DMRT1: variants seen among roughly 807,000 people sequenced by gnomAD.
The protein encoded by DMRT1 is doublesex and mab-3 related transcription factor 1, also known as doublesex- and mab-3-related transcription factor 1.
DMRT1 carries 7 observed loss-of-function variants against 32.3 expected under a neutral mutation model. The ratio of observed to expected loss-of-function variants is 0.22; its 90% confidence interval spans 0.12 to 0.41. The LOEUF (loss-of-function observed/expected upper bound fraction) is 0.41, where lower values mean the gene tolerates loss of function less well. DMRT1 is among the 10% of genes least tolerant of loss of function. DMRT1 has a pLI of 1.00. For synonymous variants in DMRT1, 278 were observed against 206.1 expected (o/e 1.35, Z -2.99); for missense variants, 625 against 500.5 (o/e 1.25, Z -2.37).
chr9:874,143 C>T (rs1437168829), intron 2 of DMRT1, among the ~76,000 whole-genome samples: 1 of 152,218 alleles, frequency 6.6e-6, no homozygotes, highest in Non-Finnish European at 1.5e-5. Flanking sequence ...AATCTCTTTT[C>T]TCCTCATGTG....
At chr9:932,250 T>C (rs1818749332) in intron 4 of DMRT1, among the ~76,000 whole-genome samples, 2 of 152,234 alleles carry the variant, frequency 1.3e-5, no homozygotes. Context: ...ATGCTCTGCA[T>C]AACCTTAAAC....
intron 4 of DMRT1, among the ~76,000 whole-genome samples, chr9:937,725 C>G (rs1288448906): frequency 6.6e-6 from 1 of 151,898 alleles, no homozygotes; most frequent in Non-Finnish European, 1.5e-5. Context: ...TGTAGGAGTT[C>G]TTTATTATGT....
intron 3 of DMRT1, among the ~76,000 whole-genome samples, chr9:896,304 C>T (rs111776954): frequency 0.11 from 6,238 of 57,658 alleles, 204 homozygotes; most frequent in African/African-American, 0.2. Flanking sequence ...TTTTTTTTTT[C>T]CTGAGACAGA....
intron 2 of DMRT1, among the ~76,000 whole-genome samples, chr9:871,304 G>A (rs896570500): frequency 1.3e-5 from 2 of 151,534 alleles, no homozygotes; most frequent in Non-Finnish European, 2.9e-5. Context: ...TGGGATTACA[G>A]GCATGAACCG....
chr9:860,590 ATC>A (rs1371747023), intron 2 of DMRT1, among the ~76,000 whole-genome samples: 4 of 152,158 alleles, frequency 2.6e-5, no homozygotes, highest in Admixed American at 1.3e-4. Context: ...TGGACCTTAT[ATC>A]TCTTGGGGGC....
At chr9:864,499 C>CTTA (rs1815874499) in intron 2 of DMRT1, among the ~76,000 whole-genome samples, 1 of 108,902 alleles carries the variant, frequency 9.2e-6, no homozygotes, top group Non-Finnish European at 1.7e-5. Flanking sequence ...AGCCAGTACT[C>CTTA]TTTTTTTTTT....
At chr9:939,798 T>C (rs1252093248) in intron 4 of DMRT1, among the ~76,000 whole-genome samples, 1 of 152,236 alleles carries the variant, frequency 6.6e-6, no homozygotes, top group Non-Finnish European at 1.5e-5. Flanking sequence ...ACTACATATT[T>C]TTCCTCTCCC....
At chr9:933,814 C>T (rs920757596) in intron 4 of DMRT1, among the ~76,000 whole-genome samples, 1 of 152,118 alleles carries the variant, frequency 6.6e-6, no homozygotes, top group South Asian at 2.1e-4. Flanking sequence ...GGGTCTTTTA[C>T]AGTGACAGGA....
At chr9:869,410 T>C (rs1816135076) in intron 2 of DMRT1, among the ~76,000 whole-genome samples, 1 of 152,238 alleles carries the variant, frequency 6.6e-6, no homozygotes, top group Non-Finnish European at 1.5e-5. Context: ...CTGTTCTCCG[T>C]AGGAATTACC....
intron 4 of DMRT1, among the ~76,000 whole-genome samples, chr9:966,301 T>C (rs966197392): frequency 6.6e-6 from 1 of 152,216 alleles, no homozygotes; most frequent in African/African-American, 2.4e-5. Flanking sequence ...TATATATGCA[T>C]ATGCGTGCTT....
At chr9:886,029 A>G (rs1816914850) in intron 2 of DMRT1, among the ~76,000 whole-genome samples, 1 of 152,168 alleles carries the variant, frequency 6.6e-6, no homozygotes, top group Admixed American at 6.5e-5. Flanking sequence ...AAAAATAGAG[A>G]GTGAGATCTA....
At position 957,141 on chromosome 9, in the gene DMRT1, C is replaced by G. The variant is rs1379702896; in HGVS notation, c.968-10844C>G. Among the ~76,000 whole-genome samples the G allele has an allele frequency of 3.9e-5, 6 of 152,164 alleles. No homozygotes were observed. In the East Asian group the frequency reaches 9.6e-4, roughly 24 times the overall value. On this transcript the variant is annotated intron_variant, in intron 4 of 4. Coordinates refer to ENST00000382276, the MANE Select transcript of DMRT1 (RefSeq NM_021951.3). ...GTGTTGATCGCTGCCATCTTTATGT[C>G]CATACCCAATGGAACATCTTTTCTT...
At chr9:925,342 G>A (rs996294702) in intron 4 of DMRT1, among the ~76,000 whole-genome samples, 1 of 152,192 alleles carries the variant, frequency 6.6e-6, no homozygotes, top group Non-Finnish European at 1.5e-5. Context: ...ATGGGGTACT[G>A]TCCCCAGGCC....
At chr9:954,142 G>T (rs1431540375) in intron 4 of DMRT1, among the ~76,000 whole-genome samples, 1 of 152,150 alleles carries the variant, frequency 6.6e-6, no homozygotes, top group Non-Finnish European at 1.5e-5. Context: ...AGGCTAGGAC[G>T]TGGCATAATA....
intron 2 of DMRT1, among the ~76,000 whole-genome samples, chr9:879,807 C>G (rs4742526): frequency 6.6e-6 from 1 of 151,942 alleles, no homozygotes; most frequent in African/African-American, 2.4e-5. Flanking sequence ...CTCTTTCATC[C>G]GTGTATGACT....
chr9:927,217 G>C (rs73380434), intron 4 of DMRT1, among the ~76,000 whole-genome samples: 3,852 of 152,274 alleles, frequency 0.025, 174 homozygotes, highest in African/African-American at 0.086. Flanking sequence ...TCCTTCTTTC[G>C]GCCGGCCGCT....
intron 4 of DMRT1, among the ~76,000 whole-genome samples, chr9:949,745 C>A (rs1819369095): frequency 6.6e-6 from 1 of 152,188 alleles, no homozygotes; most frequent in Admixed American, 6.5e-5. Context: ...GCCCTGTAGC[C>A]ACCATTCTAC....
intron 3 of DMRT1, among the ~76,000 whole-genome samples, chr9:902,295 G>A (rs1229939549): frequency 6.7e-6 from 1 of 149,988 alleles, no homozygotes; most frequent in African/African-American, 2.5e-5. Context: ...GTAAAAAGTT[G>A]ATACCCGTTG....
At chr9:921,156 C>G (rs1219857483) in intron 4 of DMRT1, among the ~76,000 whole-genome samples, 5 of 152,084 alleles carry the variant, frequency 3.3e-5, no homozygotes, top group African/African-American at 1.2e-4. Flanking sequence ...AGGAAACCCC[C>G]CATCCTCCCT....
Sources: gnomAD v4.1 joint callset for allele counts (sites outside exome capture counted in the v4.1 genomes callset) on GRCh38, gnomAD v4.1.1 for gene constraint, MANE v1.5 for transcripts, NCBI Gene and HGNC (gene_info 2026-07-23, HGNC 2026-07-21) for gene names.